Variants in ZNF676 observed in about 807,000 individuals in gnomAD.
ZNF676 encodes zinc finger protein 676.
A neutral mutation model predicts 6.0 loss-of-function variants in ZNF676; 4 were observed. The observed-to-expected ratio is 0.67, with a 90% CI of 0.33 to 1.53. The LOEUF (loss-of-function observed/expected upper bound fraction) is 1.53, where lower values mean the gene tolerates loss of function less well. Ranked by LOEUF, ZNF676 falls within the 40% of genes most tolerant of loss-of-function variation. The pLI is 0.06. For synonymous variants in ZNF676, 198 were observed against 223.1 expected, an observed-to-expected ratio of 0.89 and a Z score of 1.00; for missense variants, 644 against 679.7, an observed-to-expected ratio of 0.95 and a Z score of 0.58.
chr19:22,188,204 C>T lies in ZNF676; in HGVS notation c.130+4812G>A, dbSNP rs2023863534. On this transcript the variant is annotated intron_variant, in intron 2 of 2. Transcript: ENST00000397121. The stretch of plus-strand genomic sequence containing the variant: ...TCATCCCTGGAATGCAAGGTTTGTT[C>T]AACATACACAAATCAATAAATGTAA... Among the ~76,000 whole-genome samples the T allele has an allele frequency of 3.9e-5, 6 of 152,106 alleles. No homozygotes were observed. In the South Asian group the frequency reaches 1.2e-3, roughly 32 times the overall value.
rs1450667759 is a variant in ZNF676, at chr19:22,194,661, G to A, written c.35-1550C>T. Among the ~76,000 whole-genome samples, 27 of 152,050 alleles carry A rather than the reference G, an allele frequency of 1.8e-4. 1 individual carries two copies. The highest frequency in any genetic ancestry group is 1.8e-3 in the Admixed American group (27 of 15,256). ...TCGCTGTAACAAAGGGAATCACTGG[G>A]CTGTAACAATGGACATCATTGGGCG... On this transcript the variant is annotated intron_variant, in intron 1 of 2. Transcript: ENST00000397121.
chr19:22,209,723 T>C (rs2024111500), intron 1 of ZNF676, among the ~76,000 whole-genome samples: 1 of 152,158 alleles, frequency 6.6e-6, no homozygotes, highest in African/African-American at 2.4e-5. Flanking sequence ...GTGCTATAGA[T>C]AGTGGCCCAG....
In ZNF676 at chr19:22,180,541, G is replaced by C. The variant is rs1196711359; in HGVS notation, c.1176C>G (p.Pro392=). 6 of 1,611,106 alleles carry C rather than the reference G, an allele frequency of 3.7e-6. No individual in the cohort carries two copies. The highest frequency in any genetic ancestry group is 5.1e-6 in the Non-Finnish European group (6 of 1,179,630). ...THKAIHAEEK[P]YKCEECGKAS... ...CTTTGCCACATTCTTCACATTTGTA[G>C]GGCTTCTCTTCAGCATGAATTGCCT... Residue 392 remains proline (P), a synonymous_variant, in exon 3 of 3, where the codon CCC becomes CCG. Coordinates refer to ENST00000397121, the MANE Select transcript of ZNF676 (RefSeq NM_001001411.3).
At chr19:22,250,573 C>G in the ZNF676 span, among the ~76,000 whole-genome samples, 2 of 152,052 alleles carry the variant, frequency 1.3e-5, no homozygotes, top group African/African-American at 4.8e-5. Flanking sequence ...AACACATTAC[C>G]CTGCCCACCT....
chr19:22,216,529 A>G (rs1288501804), upstream of ZNF676, among the ~76,000 whole-genome samples: 1 of 152,184 alleles, frequency 6.6e-6, no homozygotes, highest in Non-Finnish European at 1.5e-5. Flanking sequence ...AAATAAATCC[A>G]TGAAATTTGT....
the ZNF676 span, among the ~76,000 whole-genome samples, chr19:22,225,054 G>T: frequency 1.3e-5 from 2 of 152,018 alleles, no homozygotes; most frequent in Non-Finnish European, 2.9e-5. Flanking sequence ...TATGCAAAAG[G>T]CTTCTAGAGG....
At chr19:22,236,585 T>C in the ZNF676 span, among the ~76,000 whole-genome samples, 2 of 152,294 alleles carry the variant, frequency 1.3e-5, no homozygotes, top group South Asian at 4.2e-4. Flanking sequence ...ATTAGTGTAG[T>C]GGGCTCGTTC....
chr19:22,220,169 T>TGTACTA (rs1242148288), upstream of ZNF676, among the ~76,000 whole-genome samples: 2 of 152,234 alleles, frequency 1.3e-5, no homozygotes. Context: ...GCATAAAATG[T>TGTACTA]TCTTGATTAT....
At chr19:22,249,656 T>A in the ZNF676 span, among the ~76,000 whole-genome samples, 1 of 151,586 alleles carries the variant, frequency 6.6e-6, no homozygotes, top group African/African-American at 2.4e-5. Flanking sequence ...AGGTGATCCA[T>A]CAGCCTTGGC....
chr19:22,193,129 A>G lies in ZNF676; in HGVS notation c.35-18T>C. ...AGCAATACCTGTTTTATTAAAAATG[A>G]ACAACATCCATCTTGCTCATATTCT... On this transcript the variant is annotated intron_variant, in intron 1 of 2. Transcript: ENST00000397121. 1 of 1,586,660 alleles carries G rather than the reference A, an allele frequency of 6.3e-7. No individual in the cohort carries two copies. The highest frequency in any genetic ancestry group is 8.6e-7 in the Non-Finnish European group (1 of 1,168,408).
the ZNF676 span, among the ~76,000 whole-genome samples, chr19:22,222,715 TAG>T: frequency 6.6e-6 from 1 of 152,136 alleles, no homozygotes; most frequent in Admixed American, 6.5e-5. Context: ...TTATTTGTAA[TAG>T]AGAGAGGTGG....
the ZNF676 span, among the ~76,000 whole-genome samples, chr19:22,251,959 G>A: frequency 6.6e-6 from 1 of 152,076 alleles, no homozygotes; most frequent in African/African-American, 2.4e-5. Context: ...CTTTACTGTT[G>A]TGGATTATAT....
chr19:22,235,001 AAAG>A, the ZNF676 span, among the ~76,000 whole-genome samples: 652 of 118,390 alleles, frequency 5.5e-3, 9 homozygotes, highest in Non-Finnish European at 6.7e-3. Flanking sequence ...AGAAAGAAAG[AAAG>A]AAAGAAAGAA....
chr19:22,242,472 A>ACTGT, the ZNF676 span, among the ~76,000 whole-genome samples: 1 of 151,990 alleles, frequency 6.6e-6, no homozygotes, highest in Non-Finnish European at 1.5e-5. Context: ...ATACATCACA[A>ACTGT]GGCCTCCTGT....
chr19:22,215,059 AACAAC>A (rs2024169900), intron 1 of ZNF676, among the ~76,000 whole-genome samples: 1 of 98,484 alleles, frequency 1.0e-5, no homozygotes, highest in African/African-American at 4.9e-5. Context: ...AAAAAAAAAA[AACAAC>A]AAAAAACCAG....
rs1391618191 is a variant in ZNF676 at position 22,180,017 on chromosome 19, C to T, written c.1700G>A (p.Gly567Asp). ...GEKPYKCEEC[G>D]KAFKSSSTVS... is the part of the protein sequence containing the mutation. ...AGTTGAGGATGACTTAAAAGCTTTG[C>T]CACATTCTTCACATTTGTAGGGTTT... Residue 567 changes from glycine (G) to aspartate (D), a missense_variant, in exon 3 of 3, where the codon GGC (glycine) becomes GAC (aspartate). Gly to Asp is a moderately conservative substitution (Grantham distance 94). Coordinates refer to ENST00000397121, the MANE Select transcript of ZNF676 (RefSeq NM_001001411.3). 6.2e-7 allele frequency: 1 copy of T among 1,612,992 alleles called. No homozygotes were observed. The highest frequency in any genetic ancestry group is 8.5e-7 in the Non-Finnish European group (1 of 1,179,680).
the ZNF676 span, among the ~76,000 whole-genome samples, chr19:22,234,959 C>A: frequency 2.4e-4 from 17 of 71,210 alleles, 1 homozygote; most frequent in South Asian, 1.2e-3. Context: ...AGAAAGAAAG[C>A]AAGAGAAAGA....
chr19:22,180,758 C>CAGCT lies in ZNF676; in HGVS notation c.955_958dup (p.Trp320Ter). The CAGCT allele has an allele frequency of 6.2e-7, 1 of 1,612,736 alleles. No homozygotes were observed. Among genetic ancestry groups the CAGCT allele is most frequent in the African/African-American group, 1.3e-5 (1 of 74,788 alleles). Reference sequence around the variant, plus strand: ...CTTGTGTTCAGTAAGGCTTGAGGACCAGCTGAAGGCTTTGCCACATTCTTC... The same window carrying CAGCT: ...CTTGTGTTCAGTAAGGCTTGAGGACCAGCTAGCTGAAGGCTTTGCCACATTCTTC... On this transcript the variant is annotated stop_gained and frameshift_variant, in exon 3 of 3. Coordinates refer to ENST00000397121, the MANE Select transcript of ZNF676 (RefSeq NM_001001411.3). LOFTEE classifies it low-confidence loss of function (END_TRUNC).
At chr19:22,182,184 T>C (rs1248886262) in intron 2 of ZNF676, among the ~76,000 whole-genome samples, 1 of 152,058 alleles carries the variant, frequency 6.6e-6, no homozygotes, top group African/African-American at 2.4e-5. Context: ...TAGTCTCTTT[T>C]AACTAAAAAT....
Sources: gnomAD v4.1 joint callset for allele counts (sites outside exome capture counted in the v4.1 genomes callset) on GRCh38, gnomAD v4.1.1 for gene constraint, MANE v1.5 for transcripts, NCBI Gene and HGNC (gene_info 2026-07-23, HGNC 2026-07-21) for gene names.